The following CCDC85A variants were observed in gnomAD, a reference collection of about 807,000 sequenced individuals.
CCDC85A encodes the protein coiled-coil domain containing 85A.
Under a neutral mutation model 50.2 loss-of-function variants are expected in CCDC85A, and 38 were observed. The observed-to-expected ratio is 0.76, with a 90% CI of 0.58 to 0.99. The LOEUF is 0.99. Ranked by LOEUF, CCDC85A falls within the 50% of genes least tolerant of loss-of-function variation. CCDC85A has a pLI of 0.00. For synonymous variants in CCDC85A, 366 were observed against 301.4 expected (o/e 1.21, Z -2.22); for missense variants, 820 against 742.0 (o/e 1.11, Z -1.22).
Position 56,184,862 on chromosome 2 carries a change from C to A in CCDC85A, c.238C>A (p.Arg80Ser). ...HSNLIREVNR[R>S]LQLHLGEIRG... ...CAACCTCATCCGCGAGGTGAACCGC[C>A]GCCTGCAGCTGCACCTCGGCGAGAT... Residue 80 changes from arginine (R) to serine (S), a missense_variant, in exon 1 of 6, where the codon CGC (arginine) becomes AGC (serine). By Grantham distance (110) the Arg-to-Ser change is moderately radical (BLOSUM62 -1). Transcript: ENST00000407595. The A allele has an allele frequency of 6.5e-7, 1 of 1,536,350 alleles. No individual in the cohort carries two copies. The highest frequency in any genetic ancestry group is 8.7e-7 in the Non-Finnish European group (1 of 1,143,624).
Position 56,318,943 on chromosome 2 carries a change from ACT to A in CCDC85A, c.1241-23933_1241-23932del, listed in dbSNP as rs1349616658. The stretch of plus-strand genomic sequence containing the variant: ...CCAAGGACAGGAAGCTAGTCTGAAG[ACT>A]CTGTGGGCTGCTATAGGTAGAAGAT... On this transcript the variant is annotated intron_variant, in intron 2 of 5. Transcript: ENST00000407595. 3.3e-5 allele frequency among the ~76,000 whole-genome samples: 5 copies of A among 151,968 alleles called. No homozygotes were observed. In the South Asian group the frequency reaches 8.3e-4, roughly 25 times the overall value.
At position 56,184,619 on chromosome 2, in the gene CCDC85A, G is replaced by T; in HGVS notation, c.-6G>T. The T allele has an allele frequency of 7.0e-7, 1 of 1,419,800 alleles. No homozygotes were observed. Among genetic ancestry groups the T allele is most frequent in the Non-Finnish European group, 9.1e-7 (1 of 1,101,744 alleles). 88.0% of individuals were successfully genotyped at this position (1,419,800 alleles called of 1,614,324 possible). ...ACCCACTTGCACCTGCCACCCCGCG[G>T]ATACCATGTCGAAGGCGGCCGGAGG... On this transcript the variant is annotated 5_prime_UTR_variant, in exon 1 of 6. Coordinates refer to ENST00000407595, the MANE Select transcript of CCDC85A (RefSeq NM_001080433.2).
chr2:56,304,707 A>G (rs1672354662), intron 2 of CCDC85A, among the ~76,000 whole-genome samples: 1 of 152,156 alleles, frequency 6.6e-6, no homozygotes, highest in Non-Finnish European at 1.5e-5. Context: ...TATTTTAAAG[A>G]AAATATCTGA....
chr2:56,227,690 G>C (rs1413174837), intron 2 of CCDC85A, among the ~76,000 whole-genome samples: 1 of 146,932 alleles, frequency 6.8e-6, no homozygotes, highest in Non-Finnish European at 1.5e-5. Context: ...ATTATTCATA[G>C]CCATTGTTTG....
intron 5 of CCDC85A, among the ~76,000 whole-genome samples, chr2:56,377,183 A>C (rs1438860522): frequency 1.3e-5 from 2 of 152,170 alleles, no homozygotes; most frequent in African/African-American, 4.8e-5. Context: ...AATAATTCAC[A>C]AAGTGAGCAA....
At chr2:56,237,943 T>C (rs1476331297) in intron 2 of CCDC85A, among the ~76,000 whole-genome samples, 1 of 152,188 alleles carries the variant, frequency 6.6e-6, no homozygotes, top group African/African-American at 2.4e-5. Context: ...TCATGGTAAC[T>C]TTGAAAGGTA....
At chr2:56,208,445 A>G (rs1677042009) in intron 2 of CCDC85A, among the ~76,000 whole-genome samples, 1 of 152,116 alleles carries the variant, frequency 6.6e-6, no homozygotes, top group South Asian at 2.1e-4. Flanking sequence ...CCACTGCAGC[A>G]GAGTATTTTG....
intron 2 of CCDC85A, among the ~76,000 whole-genome samples, chr2:56,308,827 C>T (rs1672561465): frequency 6.6e-6 from 1 of 152,156 alleles, no homozygotes; most frequent in Non-Finnish European, 1.5e-5. Context: ...GCTTTGGAGT[C>T]ACATAGACTT....
intron 2 of CCDC85A, among the ~76,000 whole-genome samples, chr2:56,283,387 C>A (rs866271757): frequency 4.5e-4 from 68 of 152,082 alleles, no homozygotes; most frequent in African/African-American, 1.6e-3. Context: ...GGCTTTTCTT[C>A]TTTATTACAC....
chr2:56,382,760 A>G lies in CCDC85A; in HGVS notation c.1573-1506A>G, dbSNP rs1208229001. Among the ~76,000 whole-genome samples the G allele has an allele frequency of 2.0e-5, 3 of 152,034 alleles. No individual in the cohort carries two copies. The East Asian group carries it at 5.8e-4, about 29-fold the overall frequency. ...CTGGGTTAAGCTCATTGTGTTCCAC[A>G]TTTCAATATTTGAAGAGGAGTTGCA... On this transcript the variant is annotated intron_variant, in intron 5 of 5. Coordinates refer to ENST00000407595, the MANE Select transcript of CCDC85A (RefSeq NM_001080433.2).
chr2:56,373,955 G>A (rs1451853197), intron 4 of CCDC85A, among the ~76,000 whole-genome samples: 1 of 152,170 alleles, frequency 6.6e-6, no homozygotes, highest in Non-Finnish European at 1.5e-5. Context: ...AAATATGAGG[G>A]TGGGTGAAGG....
At chr2:56,257,214 G>C (rs1223673054) in intron 2 of CCDC85A, among the ~76,000 whole-genome samples, 1 of 152,138 alleles carries the variant, frequency 6.6e-6, no homozygotes, top group Non-Finnish European at 1.5e-5. Context: ...GTATCTTCGA[G>C]TACCACTGTG....
intron 1 of CCDC85A, among the ~76,000 whole-genome samples, chr2:56,185,417 C>T (rs1195415510): frequency 6.6e-6 from 1 of 152,160 alleles, no homozygotes; most frequent in African/African-American, 2.4e-5. Flanking sequence ...ACCCTCAGAG[C>T]AGTCTTGTGT....
intron 2 of CCDC85A, among the ~76,000 whole-genome samples, chr2:56,198,424 T>C (rs1442676569): frequency 4.6e-5 from 7 of 152,248 alleles, no homozygotes; most frequent in Non-Finnish European, 7.3e-5. Flanking sequence ...GAAATAATAA[T>C]GGTTTTTGTT....
chr2:56,184,536 G>C lies in CCDC85A; in HGVS notation c.-89G>C. 1.5e-6 allele frequency: 2 copies of C among 1,321,320 alleles called. No homozygotes were observed. Among genetic ancestry groups the C allele is most frequent in the Non-Finnish European group, 1.9e-6 (2 of 1,033,254 alleles). 81.8% of individuals were successfully genotyped at this position (1,321,320 alleles called of 1,614,324 possible). A position where few individuals can be genotyped will look rare whatever the true frequency, so the allele number is the denominator to read the frequency against. ...CGCTGACTCGCCGGAGCGCACAGGG[G>C]TGTGGGCGGAGGCGGCCTCGCCGCG... On this transcript the variant is annotated 5_prime_UTR_variant, in exon 1 of 6. Coordinates refer to ENST00000407595, the MANE Select transcript of CCDC85A (RefSeq NM_001080433.2).
intron 2 of CCDC85A, among the ~76,000 whole-genome samples, chr2:56,317,643 C>T (rs1672981059): frequency 1.3e-5 from 2 of 152,076 alleles, no homozygotes; most frequent in Admixed American, 1.3e-4. Flanking sequence ...GTGCTTATTT[C>T]AAAGCTCCCC....
At chr2:56,207,127 T>C (rs2103867312) in intron 2 of CCDC85A, among the ~76,000 whole-genome samples, 1 of 152,342 alleles carries the variant, frequency 6.6e-6, no homozygotes, top group South Asian at 2.1e-4. Context: ...GTAAAATTAA[T>C]TTAGCTTTTA....
chr2:56,357,536 T>C (rs1675295217), intron 3 of CCDC85A, among the ~76,000 whole-genome samples: 1 of 152,226 alleles, frequency 6.6e-6, no homozygotes, highest in Non-Finnish European at 1.5e-5. Context: ...ATGTATCTTT[T>C]GTGTTAATGT....
At chr2:56,258,948 G>A (rs937540954) in intron 2 of CCDC85A, among the ~76,000 whole-genome samples, 9 of 152,152 alleles carry the variant, frequency 5.9e-5, no homozygotes, top group Non-Finnish European at 1.2e-4. Flanking sequence ...AGGCTTTTGA[G>A]AAAGTTTAGG....
Sources: gnomAD v4.1 joint callset for allele counts (sites outside exome capture counted in the v4.1 genomes callset) on GRCh38, gnomAD v4.1.1 for gene constraint, MANE v1.5 for transcripts, NCBI Gene and HGNC (gene_info 2026-07-23, HGNC 2026-07-21) for gene names.